The following MTA3 variants were observed in gnomAD, a reference collection of about 807,000 sequenced individuals.
The protein encoded by MTA3 is metastasis-associated protein MTA3.
In MTA3, 34 loss-of-function variants were observed where a neutral mutation model predicts 83.5. That is an observed-to-expected ratio of 0.41 (90% CI 0.31 to 0.54). The LOEUF (loss-of-function observed/expected upper bound fraction) is 0.54, where lower values mean the gene tolerates loss of function less well. MTA3 is among the 20% of genes least tolerant of loss of function. The pLI is 0.33. For missense variants in MTA3, 761 were observed against 726.4 expected, an observed-to-expected ratio of 1.05 and a Z score of -0.55; for synonymous variants, 303 against 252.7, an observed-to-expected ratio of 1.20 and a Z score of -1.89.
At chr2:42,642,902 C>A (rs1020387154) in intron 5 of MTA3, among the ~76,000 whole-genome samples, 5 of 152,092 alleles carry the variant, frequency 3.3e-5, no homozygotes, top group African/African-American at 1.2e-4. Flanking sequence ...GCCTCGGCCT[C>A]CCAAAGTGCT....
chr2:42,499,915 A>G (rs1674319620), intron 2 of MTA3, among the ~76,000 whole-genome samples: 1 of 151,934 alleles, frequency 6.6e-6, no homozygotes, highest in Admixed American at 6.6e-5. Context: ...AAATATGTAC[A>G]GTTTTTTGTA....
chr2:42,706,922 A>G (rs1420099959), intron 12 of MTA3, among the ~76,000 whole-genome samples: 1 of 152,112 alleles, frequency 6.6e-6, no homozygotes, highest in Non-Finnish European at 1.5e-5. Context: ...AAGGAGTGCA[A>G]AACAGATACC....
chr2:42,582,763 G>A (rs1026604586), intron 3 of MTA3, among the ~76,000 whole-genome samples: 13 of 152,196 alleles, frequency 8.5e-5, no homozygotes, highest in African/African-American at 2.9e-4. Context: ...GATTGGGTAT[G>A]TAGAAAATTA....
At chr2:42,689,928 C>T (rs1361666435) in intron 9 of MTA3, among the ~76,000 whole-genome samples, 1 of 147,918 alleles carries the variant, frequency 6.8e-6, no homozygotes, top group Non-Finnish European at 1.5e-5. Flanking sequence ...TTACTTCTTT[C>T]CTTTACATTG....
At chr2:42,736,442 C>T (rs1246025194) in intron 16 of MTA3, among the ~76,000 whole-genome samples, 4 of 152,118 alleles carry the variant, frequency 2.6e-5, no homozygotes, top group Non-Finnish European at 5.9e-5. Flanking sequence ...TGCCTGGCTA[C>T]CACCTGTGTT....
At chr2:42,692,577 A>G in intron 9 of MTA3, among the ~76,000 whole-genome samples, 1 of 152,020 alleles carries the variant, frequency 6.6e-6, no homozygotes, top group East Asian at 1.9e-4. Context: ...GACATGCATC[A>G]CTATGCCTGG....
chr2:42,633,371 G>C (rs1309100395), intron 4 of MTA3, among the ~76,000 whole-genome samples: 1 of 151,858 alleles, frequency 6.6e-6, no homozygotes, highest in East Asian at 1.9e-4. Flanking sequence ...TTGATCCTAG[G>C]AGTTTTAGAC....
intron 2 of MTA3, among the ~76,000 whole-genome samples, chr2:42,497,315 G>A (rs1019571598): frequency 6.6e-6 from 1 of 152,010 alleles, no homozygotes; most frequent in Non-Finnish European, 1.5e-5. Flanking sequence ...GGCCAGGCGC[G>A]GTGGCTCATG....
At chr2:42,554,669 T>C (rs1227756561) in intron 2 of MTA3, among the ~76,000 whole-genome samples, 1 of 152,174 alleles carries the variant, frequency 6.6e-6, no homozygotes, top group Non-Finnish European at 1.5e-5. Flanking sequence ...GAAAATCTCC[T>C]TTTGAGATCT....
At chr2:42,547,429 G>T (rs1437789198) in intron 2 of MTA3, among the ~76,000 whole-genome samples, 1 of 152,272 alleles carries the variant, frequency 6.6e-6, no homozygotes, top group South Asian at 2.1e-4. Context: ...CTGGGTTCAA[G>T]CGATTCTCGT....
At chr2:42,631,433 A>G (rs1321336170) in intron 4 of MTA3, among the ~76,000 whole-genome samples, 2 of 152,158 alleles carry the variant, frequency 1.3e-5, no homozygotes, top group African/African-American at 2.4e-5. Context: ...CCAGAATCAC[A>G]GTGCACAAGA....
At chr2:42,713,413 C>T (rs958968302) in intron 14 of MTA3, among the ~76,000 whole-genome samples, 2 of 151,956 alleles carry the variant, frequency 1.3e-5, no homozygotes, top group Admixed American at 6.6e-5. Context: ...AGTTGGTTTG[C>T]TTCTTTTGGT....
chr2:42,501,803 C>T (rs1458597174), intron 2 of MTA3, among the ~76,000 whole-genome samples: 1 of 152,028 alleles, frequency 6.6e-6, no homozygotes, highest in Non-Finnish European at 1.5e-5. Flanking sequence ...CATGGTGAAA[C>T]CCTGTCTCTC....
chr2:42,508,678 C>G (rs1029503569), intron 2 of MTA3, among the ~76,000 whole-genome samples: 1 of 150,762 alleles, frequency 6.6e-6, no homozygotes, highest in Non-Finnish European at 1.5e-5. Flanking sequence ...GTTTCATTGA[C>G]TGTAACAAAT....
At chr2:42,518,207 CA>C (rs1463347910) in intron 2 of MTA3, among the ~76,000 whole-genome samples, 2 of 151,926 alleles carry the variant, frequency 1.3e-5, no homozygotes, top group Non-Finnish European at 2.9e-5. Flanking sequence ...AAAGAAAATA[CA>C]GTTGAGTTGC....
chr2:42,706,862 G>A (rs1409930997), intron 12 of MTA3, among the ~76,000 whole-genome samples: 1 of 152,182 alleles, frequency 6.6e-6, no homozygotes, highest in African/African-American at 2.4e-5. Context: ...AAGGGATTCT[G>A]TCTGTAAATG....
intron 2 of MTA3, among the ~76,000 whole-genome samples, chr2:42,527,267 A>G (rs1005394313): frequency 6.6e-6 from 1 of 152,126 alleles, no homozygotes; most frequent in Non-Finnish European, 1.5e-5. Context: ...ATCAACACTC[A>G]GCTGCATCAC....
At chr2:42,714,212 C>T (rs566520192) in intron 14 of MTA3, among the ~76,000 whole-genome samples, 3 of 152,186 alleles carry the variant, frequency 2.0e-5, no homozygotes, top group South Asian at 2.1e-4. Flanking sequence ...TGTTTTTGCC[C>T]GTGGCCTGTT....
chr2:42,512,919 C>A (rs553598956), intron 2 of MTA3, among the ~76,000 whole-genome samples: 1 of 152,164 alleles, frequency 6.6e-6, no homozygotes. Flanking sequence ...CATTCTGAGA[C>A]ATCCTCTACT....
Sources: gnomAD v4.1 joint callset for allele counts (sites outside exome capture counted in the v4.1 genomes callset) on GRCh38, gnomAD v4.1.1 for gene constraint, MANE v1.5 for transcripts, NCBI Gene and HGNC (gene_info 2026-07-23, HGNC 2026-07-21) for gene names.